Variants in HERC1 observed in about 807,000 individuals in gnomAD.
HERC1 encodes the protein probable E3 ubiquitin-protein ligase HERC1.
Under a neutral mutation model 554.3 loss-of-function variants are expected in HERC1, and 160 were observed. The observed-to-expected ratio is 0.29, with a 90% CI of 0.25 to 0.33. The LOEUF (loss-of-function observed/expected upper bound fraction) is 0.33. Among genes scored for constraint, HERC1 ranks in the 10% least tolerant of loss-of-function variants. HERC1 has a pLI of 1.00. For synonymous variants in HERC1, 2,175 were observed against 2,131.7 expected (o/e 1.02, Z -0.56); for missense variants, 4,919 against 5,918.5 (o/e 0.83, Z 5.54).
chr15:63,689,777 C>G, intron 32 of HERC1, 78 bp from the exon 33 acceptor site: 1 of 790,352 alleles, frequency 1.3e-6, no homozygotes. Context: ...ATCATGTTAA[C>G]TGTAATATTA....
rs535409700 is a variant in HERC1 at position 63,817,399 on chromosome 15, C to T, written c.-27+16428G>A. Among the ~76,000 whole-genome samples the T allele has an allele frequency of 1.5e-4, 23 of 152,200 alleles. 1 individual carries two copies. The highest frequency in any genetic ancestry group is 6.8e-3 in the Middle Eastern group (2 of 294). On this transcript the variant is annotated intron_variant, in intron 1 of 77. Coordinates refer to ENST00000443617, the MANE Select transcript of HERC1 (RefSeq NM_003922.4). ...TGAAATATCTGAAAGGTAAACATTA[C>T]GTATGTCAAGGATTTGATTTAAAAC...
chr15:63,806,896 C>T (rs996901550), intron 1 of HERC1, among the ~76,000 whole-genome samples: 33 of 152,142 alleles, frequency 2.2e-4, no homozygotes, highest in African/African-American at 3.9e-4. Context: ...TACAGGCATG[C>T]GCCACCGCGC....
At chr15:63,717,901 CT>C (rs1356643856) in intron 21 of HERC1, among the ~76,000 whole-genome samples, 1 of 152,064 alleles carries the variant, frequency 6.6e-6, no homozygotes, top group African/African-American at 2.4e-5. Flanking sequence ...TAGTTTCAAT[CT>C]TCATTTCCAA....
In HERC1 at chr15:63,621,826, G is replaced by A. The variant is rs139809826; in HGVS notation, c.13688+989C>T. 7.1e-3 allele frequency among the ~76,000 whole-genome samples: 1,087 copies of A among 152,212 alleles called. 13 individuals carry two copies. Among genetic ancestry groups the A allele is most frequent in the African/African-American group, 0.025 (1,023 of 41,532 alleles). On this transcript the variant is annotated intron_variant, in intron 74 of 77. Transcript: ENST00000443617. ...ATTCATCACGTAGTTTTCGTGCCAC[G>A]GTTTTCAGCTCCATCAGGTCCTTTA... is the stretch of plus-strand genomic sequence containing the variant.
chr15:63,812,252 T>A (rs942882859), intron 1 of HERC1, among the ~76,000 whole-genome samples: 2 of 152,228 alleles, frequency 1.3e-5, no homozygotes, highest in African/African-American at 4.8e-5. Context: ...CCAAAAATCA[T>A]AGGAAGACAC....
Position 63,749,751 on chromosome 15 carries a change from G to T in HERC1, c.1943C>A (p.Ser648Tyr). The change falls in exon 9 of 78, where the codon TCT becomes TAT. Residue 648 changes from serine (S) to tyrosine (Y), a missense_variant. By Grantham distance (144) the Ser-to-Tyr change is moderately radical. Coordinates refer to ENST00000443617, the MANE Select transcript of HERC1 (RefSeq NM_003922.4). The surrounding 1 kb of genome is among the most constrained non-coding windows in gnomAD (Gnocchi z 4.1). Reference protein sequence around the residue: ...WGCGACLGCGSSEATALRPKL... With the variant: ...WGCGACLGCGYSEATALRPKL... ...GGGTCTCAAAGCAGTAGCTTCTGAAGAACCACAACCTAGACAAGCTCCACA... is the reference window on the plus strand; with the variant it reads ...GGGTCTCAAAGCAGTAGCTTCTGAATAACCACAACCTAGACAAGCTCCACA... 6.3e-7 allele frequency: 1 copy of T among 1,580,708 alleles called. No homozygotes were observed. The highest frequency in any genetic ancestry group is 2.3e-5 in the East Asian group (1 of 43,412).
At chr15:63,797,727 A>AT (rs2076855329) in intron 1 of HERC1, among the ~76,000 whole-genome samples, 1 of 152,208 alleles carries the variant, frequency 6.6e-6, no homozygotes. Flanking sequence ...CTGTTAATTG[A>AT]TTTTGTCTGC....
chr15:63,749,856 T>C lies in HERC1; in HGVS notation c.1903-65A>G. 1 of 1,316,102 alleles carries C rather than the reference T, an allele frequency of 7.6e-7. No homozygotes were observed. The highest frequency in any genetic ancestry group is 1.6e-5 in the South Asian group (1 of 61,814). 81.5% of individuals were successfully genotyped at this position (1,316,102 alleles called of 1,614,324 possible). ...ATGATTAGATTGTTGGCTTTAGGGATAAATGAAATCTATGAAACTAAAGTG... is the reference window on the plus strand; with the variant it reads ...ATGATTAGATTGTTGGCTTTAGGGACAAATGAAATCTATGAAACTAAAGTG... On this transcript the variant is annotated intron_variant, in intron 8 of 77. Coordinates refer to ENST00000443617, the MANE Select transcript of HERC1 (RefSeq NM_003922.4). This position sits in a 1 kb window ranked among gnomAD's most constrained non-coding sequence, Gnocchi z 4.1.
Position 63,693,337 on chromosome 15 carries a change from G to A in HERC1, c.5674+627C>T, listed in dbSNP as rs1464899464. Reference sequence around the variant, plus strand: ...CAGCTCACTGCAATCTCCACCTCCCGGGTTCAAGTGATTCTTGTGCTTTAG... The same window carrying A: ...CAGCTCACTGCAATCTCCACCTCCCAGGTTCAAGTGATTCTTGTGCTTTAG... On this transcript the variant is annotated intron_variant, in intron 30 of 77. Coordinates refer to ENST00000443617, the MANE Select transcript of HERC1 (RefSeq NM_003922.4). Among the ~76,000 whole-genome samples the A allele has an allele frequency of 6.6e-5, 10 of 151,090 alleles. 1 individual carries two copies. The highest frequency in any genetic ancestry group is 6.6e-5 in the Admixed American group (1 of 15,160).
intron 74 of HERC1, among the ~76,000 whole-genome samples, chr15:63,617,006 CTT>C (rs569316030): frequency 1.4e-5 from 2 of 144,156 alleles, no homozygotes; most frequent in Admixed American, 6.9e-5. Context: ...AAATCATTAT[CTT>C]TTTTTTTTTT....
At chr15:63,616,346 G>C in intron 75 of HERC1, 84 bp downstream of exon 75, 1 of 1,388,884 alleles carries the variant, frequency 7.2e-7, no homozygotes, top group African/African-American at 1.4e-5. Flanking sequence ...GTGGAAGACT[G>C]TATCTCAATT....
At chr15:63,720,113 T>TTTTTTTTTTTTTTTTTTTTTTTA (rs2073752530) in intron 19 of HERC1, among the ~76,000 whole-genome samples, 1 of 12,726 alleles carries the variant, frequency 7.9e-5, no homozygotes, top group Non-Finnish European at 2.1e-4. Flanking sequence ...CTTTTTTTTT[T>TTTTTTTTTTTTTTTTTTTTTTTA]TTTTTAAGAG....
rs1165100372 is a variant in HERC1 at position 63,690,608 on chromosome 15, G to A, written c.5870C>T (p.Ala1957Val). The change falls in exon 32 of 78, where the codon GCA becomes GTA. Residue 1957 changes from alanine to valine, a missense_variant. By Grantham distance (64) the Ala-to-Val change is moderately conservative. Around this residue, in one of 11 missense-constraint regions of HERC1, gnomAD observed 1,121 missense variants for 1,244.0 expected, o/e 0.90. Coordinates refer to ENST00000443617, the MANE Select transcript of HERC1 (RefSeq NM_003922.4). ...CAGCACAGCTTCAAGGACATGAAGT[G>A]CAAGGAGCCTTGTTCTTAAGTTACC... ...LVGNLRTRLL[A>V]LHVLEAVLPA... 2 of 1,612,938 alleles carry A rather than the reference G, an allele frequency of 1.2e-6. No homozygotes were observed. The highest frequency in any genetic ancestry group is 1.1e-5 in the South Asian group (1 of 90,998).
At position 63,652,559 on chromosome 15, in the gene HERC1, G is replaced by T; in HGVS notation, c.10291-18C>A. ...GTCATTACCTAGAAAAGTTGAAACA[G>T]GTAGTCTAATAATTTTCTATTCAAA... On this transcript the variant is annotated intron_variant, in intron 51 of 77. Transcript: ENST00000443617. The T allele has an allele frequency of 6.5e-7, 1 of 1,546,296 alleles. No homozygotes were observed. Among genetic ancestry groups the T allele is most frequent in the Non-Finnish European group, 8.8e-7 (1 of 1,139,258 alleles).
chr15:63,649,233 A>G (rs547815942), intron 54 of HERC1, among the ~76,000 whole-genome samples: 4 of 152,246 alleles, frequency 2.6e-5, no homozygotes, highest in East Asian at 3.9e-4. Flanking sequence ...AGTGCCTGTA[A>G]TCCCAGCTAC....
chr15:63,636,040 C>A lies in HERC1; in HGVS notation c.12335G>T (p.Gly4112Val). 6.2e-7 allele frequency: 1 copy of A among 1,613,840 alleles called. No individual in the cohort carries two copies. Reference sequence around the variant, plus strand: ...GTCGCTGTTCCCATGGCCAAGTTTACCATAGTCACCATCTCCCCAGCTAAA... The same window carrying A: ...GTCGCTGTTCCCATGGCCAAGTTTAACATAGTCACCATCTCCCCAGCTAAA... ...EVFSWGDGDYGKLGHGNSDRQ... is the reference protein window; with the variant it reads ...EVFSWGDGDYVKLGHGNSDRQ... The change falls in exon 65 of 78, where the codon GGT (glycine) becomes GTT (valine). Residue 4112 changes from glycine (G) to valine (V), a missense_variant. Gly to Val is a moderately radical substitution (Grantham distance 109). This residue lies in a region of HERC1 where 122 missense variants were observed against 195.2 expected (regional missense o/e 0.63). Coordinates refer to ENST00000443617, the MANE Select transcript of HERC1 (RefSeq NM_003922.4).
Position 63,695,170 on chromosome 15 carries a change from G to A in HERC1, c.5122-276C>T, listed in dbSNP as rs907652454. ...CCCATCTCAGCCTCCCAAGTAGCTG[G>A]GACTACAGGCACATACCACCACACT... On this transcript the variant is annotated intron_variant, in intron 27 of 77. Transcript: ENST00000443617. Among the ~76,000 whole-genome samples the A allele has an allele frequency of 2.6e-4, 40 of 151,936 alleles. 1 individual carries two copies. Among genetic ancestry groups the A allele is most frequent in the African/African-American group, 8.7e-4 (36 of 41,426 alleles).
chr15:63,744,721 G>A (rs2074991547), intron 12 of HERC1, among the ~76,000 whole-genome samples: 1 of 152,140 alleles, frequency 6.6e-6, no homozygotes, highest in African/African-American at 2.4e-5. Flanking sequence ...GGTGAATACT[G>A]CCTGGCCTAG....
intron 1 of HERC1, among the ~76,000 whole-genome samples, chr15:63,811,022 T>C (rs968641921): frequency 4.6e-5 from 7 of 152,066 alleles, no homozygotes; most frequent in South Asian, 2.1e-4. Flanking sequence ...GTTAATGTCA[T>C]TTGGGAAAAA....
Sources: allele counts gnomAD v4.1 joint callset (sites outside exome capture counted in the v4.1 genomes callset), GRCh38; gene constraint gnomAD v4.1.1; regional missense constraint gnomAD v4.1.1; non-coding constraint Gnocchi (gnomAD v3.1); transcripts MANE v1.5; gene names NCBI Gene and HGNC (gene_info 2026-07-23, HGNC 2026-07-21).